The following LARGE1 variants were observed in gnomAD, a reference collection of about 807,000 sequenced individuals.
LARGE1 encodes the protein LARGE xylosyl- and glucuronyltransferase 1.
LARGE1 carries 43 observed loss-of-function variants against 87.6 expected under a neutral mutation model. That is an observed-to-expected ratio of 0.49 (90% confidence interval 0.38 to 0.63). The LOEUF is 0.63. Among genes scored for constraint, LARGE1 ranks in the 30% least tolerant of loss-of-function variants. The pLI, the probability that LARGE1 is intolerant of heterozygous loss-of-function variation, is 0.00. For missense variants in LARGE1, 802 were observed against 1,000.2 expected (o/e 0.80, Z 2.67); for synonymous variants, 434 against 394.6 (o/e 1.10, Z -1.18).
chr22:33,898,617 G>A (rs1261814306), intron 1 of LARGE1, among the ~76,000 whole-genome samples: 1 of 152,210 alleles, frequency 6.6e-6, no homozygotes, highest in Non-Finnish European at 1.5e-5. Context: ...AGCTGGGCGT[G>A]GTGGCACATG....
chr22:33,810,562 T>C (rs1468932693), intron 1 of LARGE1, among the ~76,000 whole-genome samples: 1 of 152,192 alleles, frequency 6.6e-6, no homozygotes, highest in African/African-American at 2.4e-5. Context: ...TGCAACTCAC[T>C]GCAAGCTTTA....
chr22:33,472,127 G>A (rs1168817980), intron 6 of LARGE1, among the ~76,000 whole-genome samples: 1 of 152,200 alleles, frequency 6.6e-6, no homozygotes, highest in Non-Finnish European at 1.5e-5. Flanking sequence ...GTTACAGCTG[G>A]AGCTGAGCAG....
intron 1 of LARGE1, among the ~76,000 whole-genome samples, chr22:33,897,141 G>A (rs1434840691): frequency 1.3e-5 from 2 of 152,144 alleles, no homozygotes; most frequent in East Asian, 1.9e-4. Context: ...TTCCTTCAAA[G>A]CCCAGGAAGA....
intron 5 of LARGE1, among the ~76,000 whole-genome samples, chr22:33,579,323 G>A (rs1032019055): frequency 6.6e-6 from 1 of 152,168 alleles, no homozygotes; most frequent in African/African-American, 2.4e-5. Flanking sequence ...GCTCCTCCTT[G>A]CCTTCCACCA....
At chr22:33,720,846 T>A (rs1360833519) in intron 2 of LARGE1, among the ~76,000 whole-genome samples, 1 of 152,140 alleles carries the variant, frequency 6.6e-6, no homozygotes, top group East Asian at 1.9e-4. Flanking sequence ...ACGGCAGAGA[T>A]GATTCCTAAG....
rs560399128 is a variant in LARGE1 at position 33,405,672 on chromosome 22, T to C, written c.893-21368A>G. ...CAGTCTTGACTTTGCTGCCGACAAATAGTGAGATTTTGAATAAATGGTGTA... is the reference window on the plus strand; with the variant it reads ...CAGTCTTGACTTTGCTGCCGACAAACAGTGAGATTTTGAATAAATGGTGTA... On this transcript the variant is annotated intron_variant, in intron 7 of 14. Transcript: ENST00000397394. Among the ~76,000 whole-genome samples, 3 of 152,230 alleles carry C rather than the reference T, an allele frequency of 2.0e-5. No homozygotes were observed. The East Asian group carries it at 5.8e-4, about 29-fold the overall frequency.
At chr22:33,864,846 C>T (rs763172789) in intron 1 of LARGE1, among the ~76,000 whole-genome samples, 3 of 152,220 alleles carry the variant, frequency 2.0e-5, no homozygotes, top group Non-Finnish European at 4.4e-5. Context: ...TTCACAATCA[C>T]TGCCTATATT....
At chr22:33,282,542 T>G (rs1350919618) in intron 13 of LARGE1, among the ~76,000 whole-genome samples, 1 of 152,116 alleles carries the variant, frequency 6.6e-6, no homozygotes, top group Non-Finnish European at 1.5e-5. Flanking sequence ...TGGCACAGAC[T>G]CCTGGGACAC....
chr22:33,100,949 G>A, the LARGE1 span, among the ~76,000 whole-genome samples: 71 of 151,764 alleles, frequency 4.7e-4, no homozygotes, highest in Middle Eastern at 0.014. Context: ...AAGTTCAAGC[G>A]ATTCTCCTGC....
intron 14 of LARGE1, 55 bp downstream of exon 14, chr22:33,277,005 G>C: frequency 1.2e-5 from 18 of 1,540,086 alleles, no homozygotes; most frequent in Non-Finnish European, 1.6e-5. Flanking sequence ...TTAAGCTCTA[G>C]GATCTAGGCC....
intron 1 of LARGE1, among the ~76,000 whole-genome samples, chr22:33,883,003 C>T (rs921411545): frequency 5.9e-5 from 9 of 152,142 alleles, no homozygotes; most frequent in African/African-American, 2.2e-4. Context: ...AATGGGAAAA[C>T]TCATCACTTT....
intron 9 of LARGE1, among the ~76,000 whole-genome samples, chr22:33,351,683 C>T (rs1940393303): frequency 6.6e-6 from 1 of 152,044 alleles, no homozygotes; most frequent in Non-Finnish European, 1.5e-5. Context: ...ATCTTAATCC[C>T]TCCACTTCCA....
rs531026902 is a variant in LARGE1, at chr22:33,477,549, C to T, written c.788-45284G>A. Among the ~76,000 whole-genome samples the T allele has an allele frequency of 4.6e-5, 7 of 152,168 alleles. No individual in the cohort carries two copies. The East Asian group carries it at 1.2e-3, about 25-fold the overall frequency. ...TCATGTCCAAGAAAAGTAGTAAAAG[C>T]GTTCAGAATACCCCCAAAGCTTGCC... On this transcript the variant is annotated intron_variant, in intron 6 of 14. Coordinates refer to ENST00000397394, the MANE Select transcript of LARGE1 (RefSeq NM_133642.5).
At chr22:33,421,443 G>T (rs2066694444) in intron 7 of LARGE1, among the ~76,000 whole-genome samples, 1 of 152,148 alleles carries the variant, frequency 6.6e-6, no homozygotes, top group Non-Finnish European at 1.5e-5. Context: ...ACCAAAGACT[G>T]TTCAACTCCA....
intron 1 of LARGE1, among the ~76,000 whole-genome samples, chr22:33,767,779 A>C (rs1324564042): frequency 2.0e-5 from 3 of 152,128 alleles, no homozygotes; most frequent in Non-Finnish European, 2.9e-5. Context: ...CATACACACA[A>C]ACACACACAT....
intron 11 of LARGE1, among the ~76,000 whole-genome samples, chr22:33,241,622 A>G (rs1273634981): frequency 6.6e-6 from 1 of 151,820 alleles, no homozygotes; most frequent in East Asian, 1.9e-4. Flanking sequence ...ATCTATGTAC[A>G]TATATGTATA....
chr22:33,790,464 T>C (rs1464207416), intron 1 of LARGE1, among the ~76,000 whole-genome samples: 1 of 152,042 alleles, frequency 6.6e-6, no homozygotes, highest in Non-Finnish European at 1.5e-5. Context: ...AGCAGGAATT[T>C]AAACCAATTT....
At chr22:33,186,128 A>G (rs1034942714) in intron 11 of LARGE1, among the ~76,000 whole-genome samples, 2 of 152,170 alleles carry the variant, frequency 1.3e-5, no homozygotes, top group African/African-American at 4.8e-5. Flanking sequence ...ATCGCACACA[A>G]ATCCAGAAAA....
At chr22:33,278,390 T>A (rs893824818) in intron 13 of LARGE1, among the ~76,000 whole-genome samples, 2 of 152,148 alleles carry the variant, frequency 1.3e-5, no homozygotes, top group African/African-American at 4.8e-5. Context: ...GAATCTCTGA[T>A]CCCTAGAGAC....
Sources: allele counts gnomAD v4.1 joint callset (sites outside exome capture counted in the v4.1 genomes callset), GRCh38; gene constraint gnomAD v4.1.1; transcripts MANE v1.5; gene names NCBI Gene and HGNC (gene_info 2026-07-23, HGNC 2026-07-21).